Variants in PDE1C observed in about 807,000 individuals in gnomAD.
The protein encoded by PDE1C is phosphodiesterase 1C.
PDE1C carries 62 observed loss-of-function variants against 93.1 expected under a neutral mutation model. That is an observed-to-expected ratio of 0.67 (90% CI 0.54 to 0.82). The LOEUF is 0.82. Ranked by LOEUF, PDE1C falls within the 40% of genes least tolerant of loss-of-function variation. PDE1C has a pLI of 0.00. For synonymous variants in PDE1C, 325 were observed against 310.1 expected (o/e 1.05, Z -0.50); for missense variants, 742 against 884.6 (o/e 0.84, Z 2.04).
chr7:31,639,544 T>TTTTTTTTTTTTTTTTTTTTG, the PDE1C span, among the ~76,000 whole-genome samples: 3 of 135,184 alleles, frequency 2.2e-5, no homozygotes, highest in Admixed American at 7.2e-5. Context: ...TTTTGTTTTT[T>TTTTTTTTTTTTTTTTTTTTG]TTTTTTTTTT....
intron 2 of PDE1C, among the ~76,000 whole-genome samples, chr7:32,008,682 G>C (rs1786611466): frequency 6.6e-6 from 1 of 152,112 alleles, no homozygotes; most frequent in Non-Finnish European, 1.5e-5. Flanking sequence ...GGGAACCTCA[G>C]CGATTATTGC....
intron 1 of PDE1C, among the ~76,000 whole-genome samples, chr7:32,318,889 G>T (rs1022767321): frequency 6.6e-6 from 1 of 152,212 alleles, no homozygotes; most frequent in Non-Finnish European, 1.5e-5. Context: ...GAAACTCCAG[G>T]CTCTGGACTG....
intron 1 of PDE1C, among the ~76,000 whole-genome samples, chr7:32,060,200 T>A (rs1396485000): frequency 6.6e-6 from 1 of 152,212 alleles, no homozygotes; most frequent in Non-Finnish European, 1.5e-5. Flanking sequence ...CCTTGTAGAT[T>A]TAGCCAGAAC....
At chr7:32,261,018 G>C (rs1026800950) in intron 1 of PDE1C, among the ~76,000 whole-genome samples, 4 of 152,112 alleles carry the variant, frequency 2.6e-5, no homozygotes, top group African/African-American at 9.7e-5. Context: ...GCTGAGGCAG[G>C]AGAATTGCTT....
the PDE1C span, among the ~76,000 whole-genome samples, chr7:31,634,891 C>T: frequency 5.3e-5 from 8 of 152,210 alleles, no homozygotes; most frequent in African/African-American, 1.2e-4. Flanking sequence ...TATTGAGTGC[C>T]TAGGGAAAAT....
At position 32,318,038 on chromosome 7, in the gene PDE1C, TG is replaced by T. The variant is rs560304011; in HGVS notation, c.311-108500del. ...CCTAACAATTACAACTAGTTAGCTC[TG>T]GTGCCAGCACCAGACTGCCCACGTT... is the stretch of plus-strand genomic sequence containing the variant. On this transcript the variant is annotated intron_variant, in intron 1 of 1. Coordinates refer to the PDE1C transcript ENST00000672256. 2.0e-3 allele frequency among the ~76,000 whole-genome samples: 312 copies of T among 152,344 alleles called. 1 individual carries two copies. Among genetic ancestry groups the T allele is most frequent in the African/African-American group, 7.0e-3 (293 of 41,582 alleles).
intron 1 of PDE1C, among the ~76,000 whole-genome samples, chr7:32,381,030 C>G (rs1016853454): frequency 1.3e-5 from 2 of 151,990 alleles, no homozygotes; most frequent in Non-Finnish European, 1.5e-5. Flanking sequence ...GTTTCTCCCC[C>G]TCAGTGCCTT....
In PDE1C at chr7:32,005,581, A is replaced by G. The variant is rs1015994961; in HGVS notation, c.128+45973T>C. The stretch of plus-strand genomic sequence containing the variant: ...AAAAAAAAAAAAAAAAAAAAAAAAA[A>G]GAATTGTGATCTGAGAAATCACACA... On this transcript the variant is annotated intron_variant, in intron 2 of 17. Coordinates refer to ENST00000396191, the MANE Select transcript of PDE1C (RefSeq NM_001191057.4). Among the ~76,000 whole-genome samples, 21 of 148,006 alleles carry G rather than the reference A, an allele frequency of 1.4e-4. No individual in the cohort carries two copies. The East Asian group carries it at 4.1e-3, about 29-fold the overall frequency.
chr7:31,687,812 C>T, the PDE1C span, among the ~76,000 whole-genome samples: 2 of 152,154 alleles, frequency 1.3e-5, no homozygotes, highest in Non-Finnish European at 2.9e-5. Flanking sequence ...GGTGCATTAA[C>T]GAGATACCAC....
intron 2 of PDE1C, among the ~76,000 whole-genome samples, chr7:31,919,902 T>G (rs1033524642): frequency 2.0e-5 from 3 of 152,212 alleles, no homozygotes; most frequent in African/African-American, 7.2e-5. Flanking sequence ...TTGCGTTTTC[T>G]GGCTCCTCTG....
At chr7:32,098,485 T>C (rs1797883272) in intron 3 of PDE1C, among the ~76,000 whole-genome samples, 1 of 152,168 alleles carries the variant, frequency 6.6e-6, no homozygotes, top group African/African-American at 2.4e-5. Flanking sequence ...GGATTTTATT[T>C]AATCTCTATT....
chr7:32,313,390 A>T (rs1426734225), intron 1 of PDE1C, among the ~76,000 whole-genome samples: 1 of 151,774 alleles, frequency 6.6e-6, no homozygotes, highest in African/African-American at 2.4e-5. Context: ...TGACTCAGCC[A>T]TCCCATTACT....
At chr7:31,754,429 A>T (rs1794321470) in intron 17 of PDE1C, among the ~76,000 whole-genome samples, 1 of 152,244 alleles carries the variant, frequency 6.6e-6, no homozygotes, top group African/African-American at 2.4e-5. Context: ...ATAAAAACCC[A>T]CACATGAATT....
chr7:32,313,637 G>A (rs1256339876), intron 1 of PDE1C, among the ~76,000 whole-genome samples: 1 of 151,682 alleles, frequency 6.6e-6, no homozygotes, highest in Non-Finnish European at 1.5e-5. Context: ...ATCATTCTCA[G>A]CAAACTATCG....
chr7:31,831,247 T>A (rs1194850491), intron 11 of PDE1C, among the ~76,000 whole-genome samples: 1 of 152,160 alleles, frequency 6.6e-6, no homozygotes, highest in Non-Finnish European at 1.5e-5. Flanking sequence ...TAAGATAGCA[T>A]AGTAAAGTTT....
intron 16 of PDE1C, among the ~76,000 whole-genome samples, chr7:31,778,026 A>T (rs1414577516): frequency 6.6e-6 from 1 of 152,190 alleles, no homozygotes; most frequent in African/African-American, 2.4e-5. Flanking sequence ...CCTGAAGCAG[A>T]ATCTCCAGGG....
intron 2 of PDE1C, among the ~76,000 whole-genome samples, chr7:32,015,628 G>A (rs1175154956): frequency 2.6e-5 from 4 of 151,330 alleles, no homozygotes; most frequent in African/African-American, 9.7e-5. Flanking sequence ...TAAAGAAAAA[G>A]ATGTATATTT....
intron 2 of PDE1C, among the ~76,000 whole-genome samples, chr7:32,181,709 A>G (rs2128812688): frequency 6.6e-6 from 1 of 152,236 alleles, no homozygotes; most frequent in South Asian, 2.1e-4. Context: ...AAAGATCTAA[A>G]ATTGACACCC....
chr7:32,070,594 T>G, upstream of PDE1C: 1 of 1,424,704 alleles, frequency 7.0e-7, no homozygotes, highest in East Asian at 2.6e-5. Context: ...CCAGGTGCGC[T>G]CCGGAGGCAG....
Sources: gnomAD v4.1 joint callset for allele counts (sites outside exome capture counted in the v4.1 genomes callset) on GRCh38, gnomAD v4.1.1 for gene constraint, MANE v1.5 for transcripts, NCBI Gene and HGNC (gene_info 2026-07-23, HGNC 2026-07-21) for gene names.